Variants in ANTXR1 observed in about 807,000 individuals in gnomAD.
The protein encoded by ANTXR1 is ANTXR cell adhesion molecule 1.
Under a neutral mutation model 78.1 loss-of-function variants are expected in ANTXR1, and 19 were observed. The observed-to-expected ratio is 0.24, with a 90% CI of 0.17 to 0.36. The LOEUF is 0.36. ANTXR1 is among the 10% of genes least tolerant of loss of function. The probability of loss-of-function intolerance (pLI) is 1.00; values close to 1 mark genes in which losing one functional copy is unlikely to be tolerated. For synonymous variants in ANTXR1, 273 were observed against 260.5 expected, an observed-to-expected ratio of 1.05 and a Z score of -0.46; for missense variants, 518 against 718.6, an observed-to-expected ratio of 0.72 and a Z score of 3.19.
intron 17 of ANTXR1, among the ~76,000 whole-genome samples, chr2:69,221,300 G>T (rs902799481): frequency 6.6e-6 from 1 of 152,140 alleles, no homozygotes; most frequent in African/African-American, 2.4e-5. Context: ...CTAAAATACA[G>T]TAAAATCTCA....
intron 17 of ANTXR1, among the ~76,000 whole-genome samples, chr2:69,196,942 G>A (rs1674679343): frequency 6.6e-6 from 1 of 152,096 alleles, no homozygotes; most frequent in Non-Finnish European, 1.5e-5. Context: ...CTGCTGAAAG[G>A]CCTCCAGCTC....
At chr2:69,023,458 AGTGATGGTGGTGGTAGTGATGATG>A (rs372341121) in intron 1 of ANTXR1, among the ~76,000 whole-genome samples, 2,384 of 149,666 alleles carry the variant, frequency 0.016, 52 homozygotes, top group African/African-American at 0.054. Flanking sequence ...TAGTGATGAT[AGTGATGGTGGTGGTAGTGATGATG>A]GTGATGGTGA....
At chr2:69,183,221 GC>G (rs1674322697) in intron 16 of ANTXR1, among the ~76,000 whole-genome samples, 1 of 152,002 alleles carries the variant, frequency 6.6e-6, no homozygotes, top group Admixed American at 6.6e-5. Flanking sequence ...GTGTATCAGG[GC>G]CCACCAGCAA....
intron 9 of ANTXR1, among the ~76,000 whole-genome samples, chr2:69,093,266 T>G (rs1252579224): frequency 6.6e-6 from 1 of 152,212 alleles, no homozygotes; most frequent in Non-Finnish European, 1.5e-5. Context: ...CCTTATTAAT[T>G]CCTTTCACCA....
At chr2:69,067,096 A>G (rs926036002) in intron 3 of ANTXR1, among the ~76,000 whole-genome samples, 1 of 152,270 alleles carries the variant, frequency 6.6e-6, no homozygotes, top group South Asian at 2.1e-4. Flanking sequence ...CTATGAAACC[A>G]TCCATTTTGT....
intron 13 of ANTXR1, among the ~76,000 whole-genome samples, chr2:69,165,966 C>T (rs935307339): frequency 1.3e-5 from 2 of 152,162 alleles, no homozygotes; most frequent in African/African-American, 4.8e-5. Context: ...TTAGAGAGCG[C>T]TTTACAGAGA....
chr2:69,055,122 AG>A lies in ANTXR1; in HGVS notation c.296+10313del, dbSNP rs1218302522. ...TGTTGTTACTATTGTGGTTGTTGTT[AG>A]GGGTTTTTATAAACAGCTAAGGAAT... is the stretch of plus-strand genomic sequence containing the variant. On this transcript the variant is annotated intron_variant, in intron 3 of 17. Coordinates refer to ENST00000303714, the MANE Select transcript of ANTXR1 (RefSeq NM_032208.3). 2.6e-5 allele frequency among the ~76,000 whole-genome samples: 4 copies of A among 152,150 alleles called. No homozygotes were observed. The East Asian group carries it at 7.7e-4, about 29-fold the overall frequency.
chr2:69,155,605 TA>T (rs969894733), intron 13 of ANTXR1, among the ~76,000 whole-genome samples: 23 of 152,258 alleles, frequency 1.5e-4, no homozygotes, highest in African/African-American at 5.5e-4. Flanking sequence ...ATCATTTTTT[TA>T]AAAAAAGTTG....
intron 10 of ANTXR1, among the ~76,000 whole-genome samples, chr2:69,117,704 A>G (rs1672195760): frequency 6.6e-6 from 1 of 152,202 alleles, no homozygotes; most frequent in Non-Finnish European, 1.5e-5. Flanking sequence ...GAAGAATAAC[A>G]TCTACTGAAT....
intron 17 of ANTXR1, among the ~76,000 whole-genome samples, chr2:69,214,680 C>G (rs551057138): frequency 6.6e-6 from 1 of 152,332 alleles, no homozygotes; most frequent in East Asian, 1.9e-4. Flanking sequence ...TTTCTTACCC[C>G]TCCTTGGTAG....
At chr2:69,199,970 G>T (rs1312523839) in intron 17 of ANTXR1, among the ~76,000 whole-genome samples, 1 of 152,060 alleles carries the variant, frequency 6.6e-6, no homozygotes, top group Admixed American at 6.5e-5. Flanking sequence ...CCATGTCATT[G>T]CTACTGCTTG....
chr2:69,231,987 C>T lies in ANTXR1; in HGVS notation c.1435-13238C>T, dbSNP rs182668219. On this transcript the variant is annotated intron_variant, in intron 17 of 17. Transcript: ENST00000303714. ...AGCCACCTTTGCAGATAAGCTACCA[C>T]CACCACAAACAGGAAGCAAGAATTA... is the stretch of plus-strand genomic sequence containing the variant. Among the ~76,000 whole-genome samples the T allele has an allele frequency of 1.7e-4, 26 of 152,278 alleles. No individual in the cohort carries two copies. In the East Asian group the frequency reaches 4.8e-3, roughly 28 times the overall value.
chr2:69,051,185 C>T (rs1053194258), intron 3 of ANTXR1, among the ~76,000 whole-genome samples: 6 of 151,520 alleles, frequency 4.0e-5, no homozygotes, highest in African/African-American at 4.9e-5. Context: ...ACTTGGGAGG[C>T]GAGAATTTCT....
intron 8 of ANTXR1, among the ~76,000 whole-genome samples, chr2:69,085,078 T>C (rs1671009521): frequency 6.6e-6 from 1 of 152,028 alleles, no homozygotes; most frequent in Admixed American, 6.6e-5. Context: ...AATTAGAGAT[T>C]AAATCATTTC....
chr2:69,102,821 C>T (rs746506019), intron 9 of ANTXR1, 21 bp from the exon 10 acceptor site: 5 of 1,610,472 alleles, frequency 3.1e-6, no homozygotes, highest in Non-Finnish European at 2.5e-6. Flanking sequence ...TAACGAGTCT[C>T]GTCATTATTC....
intron 3 of ANTXR1, among the ~76,000 whole-genome samples, chr2:69,066,469 T>TA (rs1383018356): frequency 3.3e-5 from 5 of 151,962 alleles, no homozygotes; most frequent in Non-Finnish European, 1.5e-5. Flanking sequence ...CTATTTTTTT[T>TA]AATTTAATTT....
intron 13 of ANTXR1, among the ~76,000 whole-genome samples, chr2:69,169,218 A>C (rs1405908635): frequency 6.6e-6 from 1 of 152,386 alleles, no homozygotes; most frequent in East Asian, 1.9e-4. Context: ...CCGAGCACCC[A>C]ACTACAAAGG....
intron 8 of ANTXR1, among the ~76,000 whole-genome samples, chr2:69,083,678 T>C (rs935674566): frequency 2.6e-5 from 4 of 152,294 alleles, no homozygotes; most frequent in East Asian, 1.9e-4. Context: ...CATAGAGCTT[T>C]TGTGACCCAG....
intron 9 of ANTXR1, among the ~76,000 whole-genome samples, chr2:69,096,371 A>AC: frequency 1.7e-5 from 2 of 115,782 alleles, no homozygotes; most frequent in Admixed American, 1.7e-4. Flanking sequence ...GGAGGAAGGG[A>AC]GGAAGGAGGG....
Sources: allele counts gnomAD v4.1 joint callset (sites outside exome capture counted in the v4.1 genomes callset), GRCh38; gene constraint gnomAD v4.1.1; transcripts MANE v1.5; gene names NCBI Gene and HGNC (gene_info 2026-07-23, HGNC 2026-07-21).